Variants in HIVEP3 observed in about 807,000 individuals in gnomAD.
HIVEP3 encodes the protein HIVEP zinc finger 3.
Under a neutral mutation model 152.8 loss-of-function variants are expected in HIVEP3, and 49 were observed. The ratio of observed to expected loss-of-function variants is 0.32; its 90% CI spans 0.26 to 0.41. HIVEP3 has a LOEUF of 0.41. Ranked by LOEUF, HIVEP3 falls within the 10% of genes least tolerant of loss-of-function variation. The probability of loss-of-function intolerance (pLI) is 1.00; values close to 1 mark genes in which losing one functional copy is unlikely to be tolerated. For synonymous variants in HIVEP3, 1,269 were observed against 1,289.0 expected (o/e 0.98, Z 0.33); for missense variants, 2,790 against 3,103.3 (o/e 0.90, Z 2.40).
chr1:41,805,546 G>A (rs1188975638), intron 1 of HIVEP3, among the ~76,000 whole-genome samples: 1 of 152,120 alleles, frequency 6.6e-6, no homozygotes, highest in Non-Finnish European at 1.5e-5. Context: ...TCTGCCCCTC[G>A]TTTACATGCG....
chr1:41,953,460 CTT>C (rs1645121799), intron 1 of HIVEP3, among the ~76,000 whole-genome samples: 1 of 152,202 alleles, frequency 6.6e-6, no homozygotes, highest in African/African-American at 2.4e-5. Flanking sequence ...TAAAGGGTAA[CTT>C]AGCACAATGC....
chr1:41,527,050 C>CCT, intron 5 of HIVEP3, among the ~76,000 whole-genome samples: 1 of 49,988 alleles, frequency 2.0e-5, no homozygotes, highest in Non-Finnish European at 4.7e-5. Flanking sequence ...ACACCCTCTT[C>CCT]CTCACACACA....
At position 41,957,508 on chromosome 1, in the gene HIVEP3, A is replaced by T. The variant is rs114025878; in HGVS notation, n.120-38984T>A. On this transcript the variant is annotated intron_variant and non_coding_transcript_variant, in intron 1 of 3. Coordinates refer to the HIVEP3 transcript ENST00000489103. ...CAAGAAAATTAACCTTTCTGAGCCA[A>T]TCATGCCCTTTATGCTCTATAAAAG... 8.5e-3 allele frequency among the ~76,000 whole-genome samples: 1,300 copies of T among 152,326 alleles called. 14 individuals are homozygous for T. Among genetic ancestry groups the T allele is most frequent in the African/African-American group, 0.028 (1,162 of 41,578 alleles).
chr1:41,927,526 A>G (rs186026115), intron 1 of HIVEP3, among the ~76,000 whole-genome samples: 1 of 152,352 alleles, frequency 6.6e-6, no homozygotes, highest in Admixed American at 6.5e-5. Context: ...TTCAGGGCCA[A>G]TCAAATAACG....
At chr1:41,784,587 C>T (rs1352158451) in intron 1 of HIVEP3, among the ~76,000 whole-genome samples, 1 of 152,160 alleles carries the variant, frequency 6.6e-6, no homozygotes, top group Non-Finnish European at 1.5e-5. Flanking sequence ...CACTTATGCA[C>T]TCAGGGATAT....
chr1:41,541,000 A>G (rs917821994), intron 5 of HIVEP3, among the ~76,000 whole-genome samples: 1 of 152,142 alleles, frequency 6.6e-6, no homozygotes, highest in Non-Finnish European at 1.5e-5. Context: ...GTGGGAAAAC[A>G]GGAAGGAAGG....
At chr1:41,557,864 G>A (rs1207473413) in intron 5 of HIVEP3, among the ~76,000 whole-genome samples, 1 of 152,226 alleles carries the variant, frequency 6.6e-6, no homozygotes, top group East Asian at 1.9e-4. Context: ...TTCACAGCCA[G>A]CGCTTGGTGA....
At chr1:41,571,281 A>T (rs983801873) in intron 5 of HIVEP3, among the ~76,000 whole-genome samples, 1 of 152,258 alleles carries the variant, frequency 6.6e-6, no homozygotes, top group African/African-American at 2.4e-5. Flanking sequence ...CTTTCCTTGC[A>T]ATAAGTGAAC....
chr1:41,518,817 G>GTTTTT (rs35277923), intron 6 of HIVEP3, among the ~76,000 whole-genome samples: 1 of 134,714 alleles, frequency 7.4e-6, no homozygotes, highest in Admixed American at 7.4e-5. Flanking sequence ...AGTGCAATAG[G>GTTTTT]TTTTTTTTTT....
chr1:41,776,291 A>C lies in HIVEP3; in HGVS notation c.-800-75296T>G, dbSNP rs151257123. ...GCCACATGTCCATGAAGAAAAAAGA[A>C]AGAGCCTTCTCTTGAGACAGGTTTG... On this transcript the variant is annotated intron_variant, in intron 1 of 8. Coordinates refer to ENST00000372583, the MANE Select transcript of HIVEP3 (RefSeq NM_024503.5). Among the ~76,000 whole-genome samples the C allele has an allele frequency of 3.7e-3, 565 of 152,368 alleles. 12 individuals carry two copies. Among genetic ancestry groups the C allele is most frequent in the Admixed American group, 0.033 (510 of 15,300 alleles).
intron 1 of HIVEP3, among the ~76,000 whole-genome samples, chr1:41,819,181 T>C (rs1642512460): frequency 6.6e-6 from 1 of 152,174 alleles, no homozygotes; most frequent in Non-Finnish European, 1.5e-5. Flanking sequence ...TGTGTATGTG[T>C]GTGTTGAAAT....
At chr1:41,816,124 A>G (rs115843331) in intron 1 of HIVEP3, among the ~76,000 whole-genome samples, 297 of 152,314 alleles carry the variant, frequency 1.9e-3, no homozygotes, top group African/African-American at 6.8e-3. Context: ...GCCTGACTCC[A>G]CAATCCCAAG....
At chr1:41,924,146 G>A (rs1644955081) in intron 1 of HIVEP3, among the ~76,000 whole-genome samples, 1 of 152,174 alleles carries the variant, frequency 6.6e-6, no homozygotes, top group Non-Finnish European at 1.5e-5. Flanking sequence ...GTAGGAGACG[G>A]GCTAGAGGGC....
At chr1:41,854,711 T>G (rs1260720231) in intron 1 of HIVEP3, among the ~76,000 whole-genome samples, 2 of 83,514 alleles carry the variant, frequency 2.4e-5, no homozygotes, top group Non-Finnish European at 4.6e-5. Flanking sequence ...AGTGTGATAT[T>G]CCCCTTCCTG....
At chr1:41,862,569 C>T (rs948745132) in intron 1 of HIVEP3, among the ~76,000 whole-genome samples, 1 of 152,200 alleles carries the variant, frequency 6.6e-6, no homozygotes, top group Non-Finnish European at 1.5e-5. Flanking sequence ...TGGCATGCAT[C>T]TCTCCCCATC....
intron 1 of HIVEP3, among the ~76,000 whole-genome samples, chr1:42,014,855 T>A (rs1437484425): frequency 6.6e-6 from 1 of 152,228 alleles, no homozygotes; most frequent in Non-Finnish European, 1.5e-5. Flanking sequence ...TCTCTTAGTT[T>A]ATTCAGCATC....
At chr1:41,907,358 G>A (rs1049298140) in intron 1 of HIVEP3, among the ~76,000 whole-genome samples, 6 of 152,138 alleles carry the variant, frequency 3.9e-5, no homozygotes, top group Non-Finnish European at 5.9e-5. Context: ...ACTACTCTGC[G>A]GTAGCAGCAA....
chr1:41,580,173 T>G lies in HIVEP3; in HGVS notation c.4625A>C (p.His1542Pro), dbSNP rs764944427. 3 of 1,612,734 alleles carry G rather than the reference T, an allele frequency of 1.9e-6. No homozygotes were observed. ...KEYPQPSGKP[H>P]RRGLTPLSVK... ...GCTCAGTGGGGTCAACCCTCTTCGG[T>G]GAGGTTTGCCAGATGGCTGGGGATA... Residue 1542 changes from histidine (H) to proline (P), a missense_variant, in exon 4 of 9, where the codon CAC becomes CCC. Physicochemically the swap from His to Pro is moderately conservative, Grantham distance 77. This residue lies in a region of HIVEP3 where 1,078 missense variants were observed against 1,165.3 expected (regional missense o/e 0.93). Transcript: ENST00000372583.
intron 3 of HIVEP3, among the ~76,000 whole-genome samples, chr1:41,614,384 T>A (rs1289904689): frequency 6.6e-6 from 1 of 152,214 alleles, no homozygotes; most frequent in Non-Finnish European, 1.5e-5. Context: ...AGGGCTTAGA[T>A]GGTTCCATTC....
Sources: allele counts gnomAD v4.1 joint callset (sites outside exome capture counted in the v4.1 genomes callset), GRCh38; gene constraint gnomAD v4.1.1; regional missense constraint gnomAD v4.1.1; transcripts MANE v1.5; gene names NCBI Gene and HGNC (gene_info 2026-07-23, HGNC 2026-07-21).